The following ROBO2 variants were observed in gnomAD, a reference collection of about 807,000 sequenced individuals.
The protein encoded by ROBO2 is roundabout homolog 2.
ROBO2 carries 53 observed loss-of-function variants against 160.8 expected under a neutral mutation model. That is an observed-to-expected ratio of 0.33 (90% CI 0.26 to 0.41). The LOEUF is 0.41. Ranked by LOEUF, ROBO2 falls within the 10% of genes least tolerant of loss-of-function variation. The pLI, the probability that ROBO2 is intolerant of heterozygous loss-of-function variation, is 1.00. For synonymous variants in ROBO2, 664 were observed against 611.7 expected, an observed-to-expected ratio of 1.09 and a Z score of -1.26; for missense variants, 1,577 against 1,722.4, an observed-to-expected ratio of 0.92 and a Z score of 1.49.
intron 1 of ROBO2, among the ~76,000 whole-genome samples, chr3:77,068,289 A>G (rs550072272): frequency 1.4e-4 from 22 of 152,200 alleles, no homozygotes; most frequent in Non-Finnish European, 2.6e-4. Context: ...AGAAAGCTTT[A>G]TGTCTTATGT....
chr3:77,116,594 C>T (rs62251795), intron 2 of ROBO2, among the ~76,000 whole-genome samples: 24,681 of 152,106 alleles, frequency 0.16, 3,569 homozygotes, highest in African/African-American at 0.39. Flanking sequence ...AGTAGAACTT[C>T]AAGGAAGTAT....
intron 2 of ROBO2, among the ~76,000 whole-genome samples, chr3:77,220,567 G>T (rs2085652193): frequency 6.6e-6 from 1 of 151,590 alleles, no homozygotes; most frequent in African/African-American, 2.4e-5. Flanking sequence ...GATTCCTTGT[G>T]GAAATTATAA....
intron 2 of ROBO2, among the ~76,000 whole-genome samples, chr3:77,121,209 TG>T (rs1275852904): frequency 6.6e-6 from 1 of 152,106 alleles, no homozygotes; most frequent in Non-Finnish European, 1.5e-5. Flanking sequence ...CCTCCCAAAG[TG>T]CTGTGATTAA....
intron 6 of ROBO2, among the ~76,000 whole-genome samples, chr3:77,544,353 G>A (rs529587274): frequency 1.3e-5 from 2 of 151,262 alleles, no homozygotes; most frequent in Non-Finnish European, 3.0e-5. Flanking sequence ...CCTATACCAC[G>A]CTCTGTTCAA....
intron 2 of ROBO2, among the ~76,000 whole-genome samples, chr3:76,213,930 A>G (rs1459673165): frequency 6.6e-6 from 1 of 152,182 alleles, no homozygotes; most frequent in African/African-American, 2.4e-5. Context: ...ATAGATTTAG[A>G]TGATATAGAT....
intron 2 of ROBO2, among the ~76,000 whole-genome samples, chr3:76,417,894 A>G (rs1322489360): frequency 6.6e-6 from 1 of 152,058 alleles, no homozygotes; most frequent in East Asian, 1.9e-4. Context: ...AAACTGTTGA[A>G]GTATTAGGTT....
At chr3:76,888,683 A>T (rs1468064187) in intron 2 of ROBO2, among the ~76,000 whole-genome samples, 1 of 152,130 alleles carries the variant, frequency 6.6e-6, no homozygotes, top group Non-Finnish European at 1.5e-5. Context: ...ATGAATCACC[A>T]TCTATAGATA....
intron 5 of ROBO2, among the ~76,000 whole-genome samples, chr3:77,518,692 T>C (rs1377122705): frequency 4.0e-5 from 6 of 151,488 alleles, no homozygotes; most frequent in Non-Finnish European, 8.9e-5. Context: ...AGATATGTCA[T>C]CAGCATTTCT....
At chr3:76,712,271 G>A (rs2093309297) in intron 2 of ROBO2, among the ~76,000 whole-genome samples, 2 of 151,792 alleles carry the variant, frequency 1.3e-5, no homozygotes, top group African/African-American at 2.4e-5. Flanking sequence ...TGTGATTTCT[G>A]TGTGCTCTTT....
intron 2 of ROBO2, among the ~76,000 whole-genome samples, chr3:77,466,798 G>A (rs893428495): frequency 6.6e-6 from 1 of 152,104 alleles, no homozygotes; most frequent in East Asian, 1.9e-4. Context: ...TAAATTCCAG[G>A]ACACCCTTGC....
Position 77,527,427 on chromosome 3 carries a change from C to T in ROBO2, c.934+4525C>T, listed in dbSNP as rs1443976580. On this transcript the variant is annotated intron_variant, in intron 6 of 25. Coordinates refer to ENST00000461745, the Ensembl canonical transcript of ROBO2. ...GCTCGCCCTGTTGGTAAGTAGCCATCCTTCTATCCACTAAGCATGGCTTTG... is the reference window on the plus strand; with the variant it reads ...GCTCGCCCTGTTGGTAAGTAGCCATTCTTCTATCCACTAAGCATGGCTTTG... The T allele has an allele frequency of 7.8e-7, 1 of 1,286,518 alleles. No individual in the cohort carries two copies. The highest frequency in any genetic ancestry group is 1.0e-6 in the Non-Finnish European group (1 of 986,616). 79.7% of individuals were successfully genotyped at this position (1,286,518 alleles called of 1,614,324 possible).
chr3:75,960,058 A>G (rs1265637864), intron 2 of ROBO2, among the ~76,000 whole-genome samples: 2 of 151,740 alleles, frequency 1.3e-5, no homozygotes. Flanking sequence ...GAGCACCCTC[A>G]AATCTGTCTT....
At chr3:77,019,817 C>T (rs1405327522) in intron 2 of ROBO2, among the ~76,000 whole-genome samples, 1 of 152,132 alleles carries the variant, frequency 6.6e-6, no homozygotes, top group Non-Finnish European at 1.5e-5. Context: ...GCTAAAGAAA[C>T]AGATTGGTTT....
chr3:75,925,681 A>G (rs956904429), intron 1 of ROBO2, among the ~76,000 whole-genome samples: 1 of 152,212 alleles, frequency 6.6e-6, no homozygotes, highest in East Asian at 1.9e-4. Flanking sequence ...TTATAATTCA[A>G]TTTCTACTCT....
intron 2 of ROBO2, among the ~76,000 whole-genome samples, chr3:76,269,923 G>T (rs1183924241): frequency 6.6e-6 from 1 of 151,906 alleles, no homozygotes; most frequent in Non-Finnish European, 1.5e-5. Context: ...GAGATTAAAA[G>T]GAAAGAAATT....
intron 2 of ROBO2, among the ~76,000 whole-genome samples, chr3:77,241,299 A>T (rs1297775964): frequency 6.6e-6 from 1 of 152,204 alleles, no homozygotes; most frequent in Admixed American, 6.5e-5. Flanking sequence ...ACTATACAAC[A>T]CCCTCTAGTC....
chr3:76,313,102 T>C (rs1481336546), intron 2 of ROBO2, among the ~76,000 whole-genome samples: 1 of 152,232 alleles, frequency 6.6e-6, no homozygotes, highest in Admixed American at 6.5e-5. Context: ...CATAGCAACA[T>C]ATTTCATATT....
intron 2 of ROBO2, among the ~76,000 whole-genome samples, chr3:75,991,861 C>G (rs998427555): frequency 6.6e-6 from 1 of 152,022 alleles, no homozygotes; most frequent in Non-Finnish European, 1.5e-5. Flanking sequence ...AGGAACTAGA[C>G]TCGTTCAGAA....
At chr3:77,091,051 G>A (rs2070172831) in intron 1 of ROBO2, among the ~76,000 whole-genome samples, 1 of 152,096 alleles carries the variant, frequency 6.6e-6, no homozygotes, top group Non-Finnish European at 1.5e-5. Flanking sequence ...GAATTTCTTC[G>A]GCCCTCAGAA....
Sources: allele counts gnomAD v4.1 joint callset (sites outside exome capture counted in the v4.1 genomes callset), GRCh38; gene constraint gnomAD v4.1.1; transcripts MANE v1.5; gene names NCBI Gene and HGNC (gene_info 2026-07-23, HGNC 2026-07-21).